EPHA3: variants seen among roughly 807,000 people sequenced by gnomAD.
The protein encoded by EPHA3 is ephrin type-A receptor 3.
EPHA3 carries 42 observed loss-of-function variants against 107.1 expected under a neutral mutation model. The observed-to-expected ratio is 0.39, with a 90% confidence interval of 0.31 to 0.51. The LOEUF is 0.51. EPHA3 is among the 20% of genes least tolerant of loss of function. The pLI is 0.78. For synonymous variants in EPHA3, 461 were observed against 424.8 expected (o/e 1.09, Z -1.05); for missense variants, 1,183 against 1,211.2 (o/e 0.98, Z 0.35).
chr3:89,228,476 A>G (rs1704552362), intron 3 of EPHA3, among the ~76,000 whole-genome samples: 1 of 151,946 alleles, frequency 6.6e-6, no homozygotes, highest in African/African-American at 2.4e-5. Context: ...GAATATGGAG[A>G]AGCATAATGA....
At chr3:89,114,011 G>A (rs1027997764) in intron 1 of EPHA3, among the ~76,000 whole-genome samples, 2 of 152,058 alleles carry the variant, frequency 1.3e-5, no homozygotes, top group African/African-American at 2.4e-5. Flanking sequence ...ATCATGTCCC[G>A]CTGTTCCAGT....
In EPHA3 at chr3:89,305,165, A is replaced by G. The variant is rs187988926; in HGVS notation, c.815-35751A>G. 2.0e-3 allele frequency among the ~76,000 whole-genome samples: 299 copies of G among 152,096 alleles called. 1 individual carries two copies. The highest frequency in any genetic ancestry group is 6.6e-3 in the African/African-American group (275 of 41,494). On this transcript the variant is annotated intron_variant, in intron 3 of 16. Transcript: ENST00000336596. The stretch of plus-strand genomic sequence containing the variant: ...TTGCAATACTTTCCATATTCTCACA[A>G]GTTTTTTCTTTTTGTTTTTTAACCT...
intron 2 of EPHA3, among the ~76,000 whole-genome samples, chr3:89,133,452 A>G (rs1292605659): frequency 4.6e-5 from 7 of 152,224 alleles, no homozygotes; most frequent in Non-Finnish European, 8.8e-5. Flanking sequence ...AAGTTTGTTT[A>G]TTCCTGTAGA....
chr3:89,151,025 G>A (rs140037041), intron 2 of EPHA3, among the ~76,000 whole-genome samples: 18 of 152,020 alleles, frequency 1.2e-4, no homozygotes, highest in East Asian at 9.7e-4. Flanking sequence ...TCTTATTTAC[G>A]CTTAACAGTA....
chr3:89,478,293 CCA>C (rs1166594646), intron 16 of EPHA3, among the ~76,000 whole-genome samples: 1 of 152,176 alleles, frequency 6.6e-6, no homozygotes, highest in African/African-American at 2.4e-5. Flanking sequence ...TGAGATTATT[CCA>C]GTTATCTATG....
At chr3:89,224,244 G>A (rs1397717527) in intron 3 of EPHA3, among the ~76,000 whole-genome samples, 2 of 152,072 alleles carry the variant, frequency 1.3e-5, no homozygotes, top group African/African-American at 2.4e-5. Flanking sequence ...TCAAAATTAA[G>A]CTTCATAAAA....
At chr3:89,459,793 G>C (rs903202430) in intron 15 of EPHA3, among the ~76,000 whole-genome samples, 9 of 152,096 alleles carry the variant, frequency 5.9e-5, no homozygotes, top group Admixed American at 5.9e-4. Context: ...AAATTGCTGA[G>C]AATTCAGGCT....
chr3:89,118,341 T>C (rs1707302666), intron 1 of EPHA3, among the ~76,000 whole-genome samples: 1 of 151,968 alleles, frequency 6.6e-6, no homozygotes, highest in Non-Finnish European at 1.5e-5. Context: ...TTGACATTTG[T>C]ACATTGCATA....
In EPHA3 at chr3:89,130,185, T is replaced by G. The variant is rs181256722; in HGVS notation, c.153+2912T>G. On this transcript the variant is annotated intron_variant, in intron 2 of 16. Transcript: ENST00000336596. ...GAGACAAGAGGTACTGCTAAATATCTTCCAATGAACATGGCAGCCCCTAAA... is the reference window on the plus strand; with the variant it reads ...GAGACAAGAGGTACTGCTAAATATCGTCCAATGAACATGGCAGCCCCTAAA... Among the ~76,000 whole-genome samples, 4 of 152,288 alleles carry G rather than the reference T, an allele frequency of 2.6e-5. No homozygotes were observed. In the East Asian group the frequency reaches 7.7e-4, roughly 29 times the overall value.
chr3:89,287,870 T>C (rs892121923), intron 3 of EPHA3, among the ~76,000 whole-genome samples: 17 of 152,134 alleles, frequency 1.1e-4, no homozygotes, highest in African/African-American at 3.9e-4. Flanking sequence ...ACATTGACCT[T>C]GTGTTTTCTT....
At chr3:89,181,122 A>G (rs1705433904) in intron 2 of EPHA3, among the ~76,000 whole-genome samples, 2 of 151,990 alleles carry the variant, frequency 1.3e-5, no homozygotes. Context: ...GTAATCTCCT[A>G]GTTTTATTTA....
At chr3:89,250,746 T>C (rs530433612) in intron 3 of EPHA3, among the ~76,000 whole-genome samples, 90 of 152,322 alleles carry the variant, frequency 5.9e-4, no homozygotes, top group Middle Eastern at 3.4e-3. Flanking sequence ...CTAATCTCTT[T>C]CTTGAAATGG....
At chr3:89,112,325 G>A (rs981256480) in intron 1 of EPHA3, among the ~76,000 whole-genome samples, 30 of 152,024 alleles carry the variant, frequency 2.0e-4, no homozygotes, top group African/African-American at 6.3e-4. Flanking sequence ...TGGTTGGCTC[G>A]TTGGTCATAT....
At chr3:89,457,639 G>A (rs1026912537) in intron 15 of EPHA3, among the ~76,000 whole-genome samples, 2 of 152,182 alleles carry the variant, frequency 1.3e-5, no homozygotes, top group Middle Eastern at 6.3e-3. Context: ...GATTCGTCAG[G>A]TGATGGAAGA....
chr3:89,240,534 T>C (rs900984758), intron 3 of EPHA3, among the ~76,000 whole-genome samples: 3 of 152,086 alleles, frequency 2.0e-5, no homozygotes, highest in Non-Finnish European at 4.4e-5. Context: ...ATATTTCAAC[T>C]ATCCAGTAAA....
At chr3:89,338,052 A>T (rs2107411731) in intron 3 of EPHA3, among the ~76,000 whole-genome samples, 1 of 152,334 alleles carries the variant, frequency 6.6e-6, no homozygotes, top group East Asian at 1.9e-4. Context: ...GTTAGAAAAC[A>T]AAAAGGTATC....
intron 2 of EPHA3, among the ~76,000 whole-genome samples, chr3:89,161,987 ATAATAATAATAG>A (rs1434779974): frequency 6.6e-6 from 1 of 150,394 alleles, no homozygotes; most frequent in Non-Finnish European, 1.5e-5. Flanking sequence ...CAAAATAATA[ATAATAATAATAG>A]TAATAATAAT....
At chr3:89,447,052 T>G (rs1709889550) in intron 13 of EPHA3, among the ~76,000 whole-genome samples, 1 of 152,206 alleles carries the variant, frequency 6.6e-6, no homozygotes, top group Non-Finnish European at 1.5e-5. Flanking sequence ...TTCTGTTCAA[T>G]GCCACATGTC....
At chr3:89,338,318 T>C (rs1707438103) in intron 3 of EPHA3, among the ~76,000 whole-genome samples, 1 of 152,236 alleles carries the variant, frequency 6.6e-6, no homozygotes, top group African/African-American at 2.4e-5. Context: ...TTATGCTTCA[T>C]ACTGGCCACT....
Sources: gnomAD v4.1 joint callset for allele counts (sites outside exome capture counted in the v4.1 genomes callset) on GRCh38, gnomAD v4.1.1 for gene constraint, MANE v1.5 for transcripts, NCBI Gene and HGNC (gene_info 2026-07-23, HGNC 2026-07-21) for gene names.